The following GRK5 variants were observed in gnomAD, a reference collection of about 807,000 sequenced individuals.
GRK5 encodes the protein g protein-coupled receptor kinase GRK5.
GRK5 carries 40 observed loss-of-function variants against 78.4 expected under a neutral mutation model. The ratio of observed to expected loss-of-function variants is 0.51; its 90% confidence interval spans 0.40 to 0.66. The LOEUF (loss-of-function observed/expected upper bound fraction) is 0.66. Ranked by LOEUF, GRK5 falls within the 30% of genes least tolerant of loss-of-function variation. The pLI is 0.00. For missense variants in GRK5, 598 were observed against 759.9 expected (o/e 0.79, Z 2.50); for synonymous variants, 289 against 296.8 (o/e 0.97, Z 0.27).
At chr10:119,273,232 A>G (rs1036596233) in intron 1 of GRK5, among the ~76,000 whole-genome samples, 2 of 152,250 alleles carry the variant, frequency 1.3e-5, no homozygotes, top group Middle Eastern at 3.4e-3. Context: ...GTAGGCATAA[A>G]GCAGGTGATT....
chr10:119,437,544 C>T (rs967666182), intron 9 of GRK5, among the ~76,000 whole-genome samples: 1 of 152,168 alleles, frequency 6.6e-6, no homozygotes, highest in African/African-American at 2.4e-5. Flanking sequence ...ACATTACACT[C>T]CTCAGGGGAT....
intron 9 of GRK5, among the ~76,000 whole-genome samples, chr10:119,437,282 C>T (rs550857633): frequency 1.3e-5 from 2 of 152,262 alleles, no homozygotes; most frequent in South Asian, 2.1e-4. Context: ...CATGGTCCCA[C>T]TCCATGCTGT....
chr10:119,275,141 C>T (rs1297035389), intron 1 of GRK5, among the ~76,000 whole-genome samples: 5 of 152,144 alleles, frequency 3.3e-5, no homozygotes, highest in Non-Finnish European at 5.9e-5. Flanking sequence ...GGTGGCTCCT[C>T]TATTACTACC....
At chr10:119,419,483 CA>C (rs1852528197) in intron 4 of GRK5, among the ~76,000 whole-genome samples, 1 of 152,240 alleles carries the variant, frequency 6.6e-6, no homozygotes, top group Non-Finnish European at 1.5e-5. Flanking sequence ...ATCTTACTGG[CA>C]AAGGTGTCAC....
chr10:119,282,130 T>G (rs1222270392), intron 1 of GRK5, among the ~76,000 whole-genome samples: 1 of 152,168 alleles, frequency 6.6e-6, no homozygotes, highest in East Asian at 1.9e-4. Flanking sequence ...ACCTCTTCCT[T>G]GAGTTCGGAC....
chr10:119,451,996 C>T (rs1853296827), intron 13 of GRK5, among the ~76,000 whole-genome samples: 1 of 152,216 alleles, frequency 6.6e-6, no homozygotes. Flanking sequence ...GAAGCCTCCC[C>T]ACACCAACCT....
intron 3 of GRK5, among the ~76,000 whole-genome samples, chr10:119,383,157 G>A (rs1404627013): frequency 2.6e-5 from 4 of 152,134 alleles, no homozygotes; most frequent in East Asian, 1.9e-4. Context: ...TCCTGACCTC[G>A]TGATCCACCC....
At chr10:119,235,698 T>C (rs1391079506) in intron 1 of GRK5, among the ~76,000 whole-genome samples, 2 of 152,124 alleles carry the variant, frequency 1.3e-5, no homozygotes, top group African/African-American at 4.8e-5. Context: ...TGAAAATGTG[T>C]TATATTTAGG....
chr10:119,423,017 G>A, intron 4 of GRK5, 149 bp from the exon 5 acceptor site: 1 of 676,070 alleles, frequency 1.5e-6, no homozygotes, highest in Non-Finnish European at 2.7e-6. Flanking sequence ...CCTGGAGGGG[G>A]CAGCAGGTCA....
intron 1 of GRK5, among the ~76,000 whole-genome samples, chr10:119,222,143 G>A (rs1470496875): frequency 6.6e-6 from 1 of 152,156 alleles, no homozygotes; most frequent in Non-Finnish European, 1.5e-5. Context: ...AGGAAAACAA[G>A]CTCAGAGAGG....
intron 1 of GRK5, among the ~76,000 whole-genome samples, chr10:119,220,859 T>C (rs900343627): frequency 5.0e-5 from 6 of 120,206 alleles, no homozygotes; most frequent in Non-Finnish European, 1.0e-4. Flanking sequence ...TAATACTCAC[T>C]AAAGAAAGTC....
intron 1 of GRK5, among the ~76,000 whole-genome samples, chr10:119,320,460 G>T (rs1312140149): frequency 1.3e-5 from 2 of 152,246 alleles, no homozygotes; most frequent in Non-Finnish European, 2.9e-5. Flanking sequence ...CATGCGTTGA[G>T]AGAATGGATC....
intron 2 of GRK5, among the ~76,000 whole-genome samples, chr10:119,356,093 T>C (rs186262770): frequency 1.4e-4 from 21 of 152,324 alleles, no homozygotes; most frequent in Non-Finnish European, 1.9e-4. Flanking sequence ...CATGCATACA[T>C]TGCATTAGAC....
chr10:119,328,759 C>T (rs1850720472), intron 2 of GRK5, among the ~76,000 whole-genome samples: 1 of 152,228 alleles, frequency 6.6e-6, no homozygotes, highest in Non-Finnish European at 1.5e-5. Flanking sequence ...GAAGCGGGCA[C>T]CTGCGCACAG....
At chr10:119,303,052 G>A (rs542318893) in intron 1 of GRK5, among the ~76,000 whole-genome samples, 149 of 152,278 alleles carry the variant, frequency 9.8e-4, no homozygotes, top group Non-Finnish European at 1.6e-3. Context: ...TGTGACCCTC[G>A]TGAGGTTGCA....
chr10:119,351,173 C>T (rs1374909464), intron 2 of GRK5, among the ~76,000 whole-genome samples: 1 of 151,924 alleles, frequency 6.6e-6, no homozygotes, highest in Non-Finnish European at 1.5e-5. Context: ...ACAGTAATTC[C>T]ACTATGTTAT....
chr10:119,209,470 C>G (rs1848445142), intron 1 of GRK5, among the ~76,000 whole-genome samples: 1 of 137,956 alleles, frequency 7.2e-6, no homozygotes, highest in Non-Finnish European at 1.5e-5. Flanking sequence ...AAGGCCTGAG[C>G]TGTGTGTGTG....
chr10:119,351,846 C>A (rs879612812), intron 2 of GRK5, among the ~76,000 whole-genome samples: 4 of 152,168 alleles, frequency 2.6e-5, no homozygotes, highest in Non-Finnish European at 4.4e-5. Context: ...TCATAAAGTT[C>A]AAAGAAGTGA....
chr10:119,363,006 A>T lies in GRK5; in HGVS notation c.149-17809A>T, dbSNP rs541808541. 4.6e-5 allele frequency among the ~76,000 whole-genome samples: 7 copies of T among 152,310 alleles called. No individual in the cohort carries two copies. In the East Asian group the frequency reaches 1.2e-3, roughly 25 times the overall value. On this transcript the variant is annotated intron_variant, in intron 2 of 15. Coordinates refer to ENST00000392870, the MANE Select transcript of GRK5 (RefSeq NM_005308.3). ...TGGATAGAGTATTTTTTGACTGGGC[A>T]TGGTGGCTCATGCCTGTAATCCCAG...
Sources: gnomAD v4.1 joint callset for allele counts (sites outside exome capture counted in the v4.1 genomes callset) on GRCh38, gnomAD v4.1.1 for gene constraint, MANE v1.5 for transcripts, NCBI Gene and HGNC (gene_info 2026-07-23, HGNC 2026-07-21) for gene names.